The following CEBPZOS variants were observed in gnomAD, a reference collection of about 807,000 sequenced individuals.
CEBPZOS encodes the protein CEBPZ opposite strand, also known as protein CEBPZOS.
CEBPZOS carries 10 observed loss-of-function variants against 4.8 expected under a neutral mutation model. That is an observed-to-expected ratio of 2.07 (90% CI 1.28 to 3.52). The LOEUF (loss-of-function observed/expected upper bound fraction) is 3.52, where lower values mean the gene tolerates loss of function less well. CEBPZOS is among the 30% of genes most tolerant of loss of function. CEBPZOS has a pLI of 0.00. For missense variants in CEBPZOS, 98 were observed against 43.6 expected (o/e 2.25, Z -3.51); for synonymous variants, 25 against 14.2 (o/e 1.77, Z -1.72).
downstream of CEBPZOS, among the ~76,000 whole-genome samples, chr2:37,205,922 G>C (rs74911265): frequency 1.3e-5 from 2 of 152,304 alleles, no homozygotes; most frequent in Admixed American, 1.3e-4. Flanking sequence ...ATGGATTATT[G>C]CAAGGGTCAA....
In CEBPZOS at chr2:37,201,890, A is replaced by C. The variant is rs1244952370; in HGVS notation, c.*30A>C. The C allele has an allele frequency of 3.1e-6, 5 of 1,613,380 alleles. No homozygotes were observed. Among genetic ancestry groups the C allele is most frequent in the Non-Finnish European group, 4.2e-6 (5 of 1,179,826 alleles). ...AGTCATCACGTTCAGCCTCCCATCT[A>C]AGCTGTTTGAGACCTTTGAGAGAAG... On this transcript the variant is annotated 3_prime_UTR_variant, in exon 5 of 5. Coordinates refer to ENST00000402297, the MANE Select transcript of CEBPZOS (RefSeq NM_001322374.2).
chr2:37,205,288 T>G (rs1677498216), downstream of CEBPZOS, among the ~76,000 whole-genome samples: 1 of 152,210 alleles, frequency 6.6e-6, no homozygotes, highest in Non-Finnish European at 1.5e-5. Flanking sequence ...CACATCCAGA[T>G]GGTCGGTTCC....
chr2:37,211,070 T>C (rs1677706478), intron 4 of CEBPZOS: 1 of 1,608,496 alleles, frequency 6.2e-7, no homozygotes, highest in South Asian at 1.1e-5. Flanking sequence ...GACTTTGGAG[T>C]GGACTTCAAG....
downstream of CEBPZOS, among the ~76,000 whole-genome samples, chr2:37,208,175 C>T (rs759395117): frequency 6.6e-6 from 1 of 152,010 alleles, no homozygotes; most frequent in Non-Finnish European, 1.5e-5. Flanking sequence ...GCCAACAAAA[C>T]AAAGTCCAGG....
intron 1 of CEBPZOS, chr2:37,198,719 GAAT>G (rs2148317592): frequency 6.6e-6 from 1 of 152,150 alleles, no homozygotes; most frequent in East Asian, 1.9e-4. Flanking sequence ...ATTTGAAAAA[GAAT>G]AATGACACAA....
chr2:37,208,310 G>A (rs60818940), downstream of CEBPZOS, among the ~76,000 whole-genome samples: 8,029 of 151,866 alleles, frequency 0.053, 256 homozygotes, highest in African/African-American at 0.089. Context: ...AGCCAATATC[G>A]CCCTAATTCC....
chr2:37,198,692 TTCTTAGCTTA>T (rs1199237031), intron 1 of CEBPZOS: 1 of 152,246 alleles, frequency 6.6e-6, no homozygotes, highest in African/African-American at 2.4e-5. Flanking sequence ...ATATTCTATT[TTCTTAGCTTA>T]TCTTTAATTT....
chr2:37,212,594 C>G, intron 4 of CEBPZOS: 1 of 539,114 alleles, frequency 1.9e-6, no homozygotes, highest in Non-Finnish European at 3.3e-6. Context: ...AATCCCAAAA[C>G]TAAAGAAGGA....
At chr2:37,213,591 T>C (rs1572500469) in exon 5 of CEBPZOS, 1 of 258,448 alleles carries the variant, frequency 3.9e-6, no homozygotes, top group East Asian at 1.2e-4. Context: ...TTTTGGGGTT[T>C]TTAGTAGAGA....
At chr2:37,205,070 A>C (rs1447873134), downstream of CEBPZOS, among the ~76,000 whole-genome samples, 1 of 152,234 alleles carries the variant, frequency 6.6e-6, no homozygotes, top group Non-Finnish European at 1.5e-5. Context: ...GGAAGACAAA[A>C]TCTGGAAGAT....
At chr2:37,212,867 C>CAAAAAA (rs749522819) in intron 4 of CEBPZOS, among the ~76,000 whole-genome samples, 1 of 117,248 alleles carries the variant, frequency 8.5e-6, no homozygotes, top group Non-Finnish European at 1.8e-5. Flanking sequence ...ACAACAACAA[C>CAAAAAA]AAAAAAAAAA....
intron 1 of CEBPZOS, among the ~76,000 whole-genome samples, chr2:37,198,303 A>G (rs1446079307): frequency 6.6e-6 from 1 of 152,216 alleles, no homozygotes; most frequent in Non-Finnish European, 1.5e-5. Context: ...TTAGTTATAT[A>G]TGAATTACTT....
At chr2:37,196,948 C>T (rs531315822) in intron 1 of CEBPZOS, among the ~76,000 whole-genome samples, 1 of 152,290 alleles carries the variant, frequency 6.6e-6, no homozygotes, top group Admixed American at 6.5e-5. Flanking sequence ...CTTGAAACCG[C>T]GTAGCCTGCA....
chr2:37,202,359 T>TATCA lies in CEBPZOS; in HGVS notation c.*500_*503dup, dbSNP rs1200294613. ...TGAAAAGGTCTTTCAAAAATATTCC[T>TATCA]ATCAGCCAGGCATGGTGGCTCACAC... On this transcript the variant is annotated 3_prime_UTR_variant, in exon 5 of 5. Coordinates refer to ENST00000402297, the MANE Select transcript of CEBPZOS (RefSeq NM_001322374.2). 1 of 160,688 alleles carries TATCA rather than the reference T, an allele frequency of 6.2e-6. No homozygotes were observed. Among genetic ancestry groups the TATCA allele is most frequent in the Non-Finnish European group, 1.3e-5 (1 of 74,094 alleles). 10.0% of individuals were successfully genotyped at this position (160,688 alleles called of 1,614,324 possible). A position where few individuals can be genotyped will look rare whatever the true frequency, so the allele number is the denominator to read the frequency against.
chr2:37,197,399 C>CT (rs1402260235), intron 1 of CEBPZOS: 1 of 152,358 alleles, frequency 6.6e-6, no homozygotes, highest in Non-Finnish European at 1.5e-5. Context: ...ATGCTCACCA[C>CT]TATACACCAA....
chr2:37,197,849 G>C (rs1294936271), intron 1 of CEBPZOS, among the ~76,000 whole-genome samples: 1 of 151,580 alleles, frequency 6.6e-6, no homozygotes, highest in Non-Finnish European at 1.5e-5. Flanking sequence ...CTGGGAGACA[G>C]CAAGACCCAG....
chr2:37,200,472 T>G (rs1677163548), intron 2 of CEBPZOS, among the ~76,000 whole-genome samples: 2 of 152,116 alleles, frequency 1.3e-5, no homozygotes, highest in Admixed American at 1.3e-4. Flanking sequence ...TCTTTTAAAC[T>G]CTAAGGAAGG....
chr2:37,199,333 A>C (rs552681471), intron 1 of CEBPZOS, among the ~76,000 whole-genome samples: 1 of 152,336 alleles, frequency 6.6e-6, no homozygotes, highest in African/African-American at 2.4e-5. Flanking sequence ...AGAGCTGTTT[A>C]TATATTGTAT....
At position 37,204,289 on chromosome 2, in the gene CEBPZOS, T is replaced by G. The variant is rs1291655280; in HGVS notation, c.*2429T>G. On this transcript the variant is annotated 3_prime_UTR_variant, in exon 5 of 5. Coordinates refer to ENST00000402297, the MANE Select transcript of CEBPZOS (RefSeq NM_001322374.2). ...TGGCTAATTTTTGATTTTTTTTTTT[T>G]TTTTTTTGAGACAGAGTCTCGCTTT... 6.6e-6 allele frequency: 1 copy of G among 150,788 alleles called. No individual in the cohort carries two copies. The highest frequency in any genetic ancestry group is 1.5e-5 in the Non-Finnish European group (1 of 67,938). 9.3% of individuals were successfully genotyped at this position (150,788 alleles called of 1,614,324 possible).
Sources: allele counts gnomAD v4.1 joint callset (sites outside exome capture counted in the v4.1 genomes callset), GRCh38; gene constraint gnomAD v4.1.1; transcripts MANE v1.5; gene names NCBI Gene and HGNC (gene_info 2026-07-23, HGNC 2026-07-21).